QDPR: variants seen among roughly 807,000 people sequenced by gnomAD.
QDPR encodes dihydropteridine reductase.
A neutral mutation model predicts 31.7 loss-of-function variants in QDPR; 23 were observed. That is an observed-to-expected ratio of 0.73 (90% CI 0.52 to 1.03). The LOEUF is 1.03. Among genes scored for constraint, QDPR ranks in the 50% least tolerant of loss-of-function variants. The pLI, the probability that QDPR is intolerant of heterozygous loss-of-function variation, is 0.00. For synonymous variants in QDPR, 124 were observed against 124.7 expected (o/e 0.99, Z 0.03); for missense variants, 324 against 323.8 (o/e 1.00, Z 0.00).
chr4:17,488,949 G>A (rs779661949), intron 6 of QDPR, among the ~76,000 whole-genome samples: 1 of 152,196 alleles, frequency 6.6e-6, no homozygotes, highest in South Asian at 2.1e-4. Context: ...GACCAGTGCC[G>A]TTTGGTTGTG....
chr4:17,506,564 G>A (rs1043312554), intron 2 of QDPR, among the ~76,000 whole-genome samples: 1 of 152,178 alleles, frequency 6.6e-6, no homozygotes, highest in African/African-American at 2.4e-5. Context: ...TTATCTGTTT[G>A]ACCTTGGACA....
intron 4 of QDPR, among the ~76,000 whole-genome samples, chr4:17,498,037 T>C (rs1263120183): frequency 3.3e-5 from 5 of 152,206 alleles, no homozygotes. Flanking sequence ...TGCCCAACTG[T>C]AGCTGCTCAC....
chr4:17,494,039 C>T (rs569434587), intron 4 of QDPR, among the ~76,000 whole-genome samples: 30 of 152,248 alleles, frequency 2.0e-4, no homozygotes, highest in African/African-American at 6.7e-4. Context: ...TGCCCTGGAA[C>T]CCGACTACCT....
intron 1 of QDPR, among the ~76,000 whole-genome samples, chr4:17,511,044 C>T (rs1218060114): frequency 6.6e-6 from 1 of 152,202 alleles, no homozygotes; most frequent in African/African-American, 2.4e-5. Flanking sequence ...CTAAACTGTA[C>T]TTTTGCCCCC....
At chr4:17,506,820 T>C (rs1490971540) in intron 2 of QDPR, among the ~76,000 whole-genome samples, 2 of 152,124 alleles carry the variant, frequency 1.3e-5, no homozygotes, top group African/African-American at 4.8e-5. Flanking sequence ...AAAAATGAAG[T>C]GCTAAAATAA....
intron 1 of QDPR, chr4:17,510,006 AGGGGG>A: frequency 2.2e-6 from 1 of 455,570 alleles, no homozygotes; most frequent in Admixed American, 2.4e-5. Flanking sequence ...AGCAATAAAT[AGGGGG>A]AAAAAATAAG....
intron 4 of QDPR, among the ~76,000 whole-genome samples, chr4:17,493,111 C>G (rs936533366): frequency 7.2e-5 from 11 of 152,222 alleles, no homozygotes; most frequent in Admixed American, 5.9e-4. Flanking sequence ...AGTCAATTCT[C>G]TAAGTCTCCA....
chr4:17,492,898 T>C (rs564812146), intron 4 of QDPR, among the ~76,000 whole-genome samples: 33 of 152,270 alleles, frequency 2.2e-4, no homozygotes, highest in Admixed American at 8.5e-4. Flanking sequence ...CACTAAATGC[T>C]TGTGAGCACC....
At chr4:17,490,137 C>G in intron 6 of QDPR, 1 of 177,744 alleles carries the variant, frequency 5.6e-6, no homozygotes, top group South Asian at 1.3e-4. Flanking sequence ...AAAAGGATTT[C>G]GGAAATTAAA....
intron 6 of QDPR, among the ~76,000 whole-genome samples, chr4:17,488,628 C>A (rs1262533716): frequency 1.3e-5 from 2 of 152,204 alleles, no homozygotes; most frequent in Non-Finnish European, 2.9e-5. Context: ...AATTCTTTAA[C>A]ACAAAACATT....
At chr4:17,508,633 T>TAAAAAAAAAAA in intron 2 of QDPR, among the ~76,000 whole-genome samples, 1 of 127,098 alleles carries the variant, frequency 7.9e-6, no homozygotes, top group South Asian at 2.6e-4. Flanking sequence ...TATTTAAGTA[T>TAAAAAAAAAAA]AAAAAAAAAA....
intron 4 of QDPR, 59 bp from the exon 5 acceptor site, chr4:17,492,399 C>G (rs779497847): frequency 6.1e-6 from 8 of 1,301,872 alleles, no homozygotes; most frequent in African/African-American, 1.5e-5. Flanking sequence ...ACAGCAAGGA[C>G]ATGCAATCTT....
At position 17,506,895 on chromosome 4, in the gene QDPR, A is replaced by G. The variant is rs149426709; in HGVS notation, c.198+2376T>C. On this transcript the variant is annotated intron_variant, in intron 2 of 6. Coordinates refer to ENST00000281243, the MANE Select transcript of QDPR (RefSeq NM_000320.3). ...ACTTTAGAAAGAGCAAATGAGTAGC[A>G]GAGTTGTGCTCACAGTTTTATGTTC... Among the ~76,000 whole-genome samples the G allele has an allele frequency of 5.5e-3, 844 of 152,362 alleles. 7 individuals carry two copies. Among genetic ancestry groups the G allele is most frequent in the Non-Finnish European group, 9.2e-3 (628 of 68,032 alleles).
chr4:17,492,313 C>T lies in QDPR; in HGVS notation c.464G>A (p.Gly155Asp). The T allele has an allele frequency of 6.2e-7, 1 of 1,614,172 alleles. No individual in the cohort carries two copies. Among genetic ancestry groups the T allele is most frequent in the Non-Finnish European group, 8.5e-7 (1 of 1,180,034 alleles). ...GCTCTGGCAGAGCTGGTGAACAGCACCCTTGGCCATGCCGTACCCGATCAT... is the reference window on the plus strand; with the variant it reads ...GCTCTGGCAGAGCTGGTGAACAGCATCCTTGGCCATGCCGTACCCGATCAT... ...PGMIGYGMAK[G>D]AVHQLCQSLA... is the part of the protein sequence containing the mutation. Residue 155 changes from glycine (G) to aspartate (D), a missense_variant, in exon 5 of 7, where the codon GGT becomes GAT. Coordinates refer to ENST00000281243, the MANE Select transcript of QDPR (RefSeq NM_000320.3).
At chr4:17,502,035 C>T (rs192024119) in intron 3 of QDPR, among the ~76,000 whole-genome samples, 176 bp from the exon 4 acceptor site, 90 of 152,332 alleles carry the variant, frequency 5.9e-4, no homozygotes, top group Non-Finnish European at 1.1e-3. Context: ...AGGTTCAAAT[C>T]CAGGCCATGG....
chr4:17,486,647 C>A lies in QDPR; in HGVS notation c.*484G>T. On this transcript the variant is annotated 3_prime_UTR_variant, in exon 7 of 7. Coordinates refer to ENST00000281243, the MANE Select transcript of QDPR (RefSeq NM_000320.3). ...GGGCAACCACACAGGAAAAGGATAC[C>A]AGGACAGAGTCCATGTAGTTTTGCT... 5.7e-6 allele frequency: 1 copy of A among 176,758 alleles called. No individual in the cohort carries two copies. Among genetic ancestry groups the A allele is most frequent in the Non-Finnish European group, 1.2e-5 (1 of 81,460 alleles). The allele number at this position is 176,758 out of a possible 1,614,324, so 10.9% of individuals were successfully genotyped here.
intron 3 of QDPR, 78 bp downstream of exon 3, chr4:17,504,301 C>T (rs1244040874): frequency 3.3e-5 from 42 of 1,261,106 alleles, no homozygotes; most frequent in Non-Finnish European, 4.4e-5. Flanking sequence ...GCTGGCCTGT[C>T]ACCTAGTGCA....
At chr4:17,487,569 C>T (rs946144847) in intron 6 of QDPR, among the ~76,000 whole-genome samples, 3 of 152,012 alleles carry the variant, frequency 2.0e-5, no homozygotes, top group African/African-American at 7.2e-5. Context: ...TCACTTGCAC[C>T]CGGGAAGCAG....
At chr4:17,502,116 C>T (rs1180465799) in intron 3 of QDPR, among the ~76,000 whole-genome samples, 1 of 152,136 alleles carries the variant, frequency 6.6e-6, no homozygotes, top group African/African-American at 2.4e-5. Context: ...ACAAAATAAA[C>T]CTGGAGTTTA....
Sources: gnomAD v4.1 joint callset for allele counts (sites outside exome capture counted in the v4.1 genomes callset) on GRCh38, gnomAD v4.1.1 for gene constraint, MANE v1.5 for transcripts, NCBI Gene and HGNC (gene_info 2026-07-23, HGNC 2026-07-21) for gene names.